EXOC4: variants seen among roughly 807,000 people sequenced by gnomAD.
EXOC4 encodes exocyst complex component 4.
A neutral mutation model predicts 107.2 loss-of-function variants in EXOC4; 71 were observed. The ratio of observed to expected loss-of-function variants is 0.66; its 90% CI spans 0.55 to 0.81. The LOEUF (loss-of-function observed/expected upper bound fraction) is 0.81. Among genes scored for constraint, EXOC4 ranks in the 30% least tolerant of loss-of-function variants. EXOC4 has a pLI of 0.00. For synonymous variants in EXOC4, 456 were observed against 441.2 expected, an observed-to-expected ratio of 1.03 and a Z score of -0.42; for missense variants, 1,108 against 1,189.6, an observed-to-expected ratio of 0.93 and a Z score of 1.01.
Position 133,404,293 on chromosome 7 carries a change from C to T in EXOC4, c.1182+29291C>T, listed in dbSNP as rs547108129. On this transcript the variant is annotated intron_variant, in intron 7 of 17. Transcript: ENST00000253861. ...TTTTTTTTTGTATTTTTAGTAGAGA[C>T]GGGGTTTCACTGTGTTAGCTAGGAT... 2.8e-4 allele frequency among the ~76,000 whole-genome samples: 43 copies of T among 152,006 alleles called. 2 individuals carry two copies. The South Asian group carries it at 4.6e-3, about 16-fold the overall frequency.
At chr7:133,744,776 A>T (rs1262836235) in intron 10 of EXOC4, among the ~76,000 whole-genome samples, 7 of 152,186 alleles carry the variant, frequency 4.6e-5, no homozygotes, top group Non-Finnish European at 4.4e-5. Flanking sequence ...CATTTTTATA[A>T]GACTGTACCG....
chr7:133,941,025 CT>C (rs774809098), intron 14 of EXOC4, among the ~76,000 whole-genome samples: 155 of 143,714 alleles, frequency 1.1e-3, no homozygotes, highest in Admixed American at 1.4e-3. Flanking sequence ...TTCTTTTTTT[CT>C]TTTTTTTTTT....
At chr7:133,636,895 A>G (rs894537881) in intron 10 of EXOC4, among the ~76,000 whole-genome samples, 2 of 152,248 alleles carry the variant, frequency 1.3e-5, no homozygotes, top group Non-Finnish European at 2.9e-5. Context: ...GCTGTGTAAC[A>G]TTCTTAAGAC....
chr7:133,839,995 A>T (rs1231369357), intron 11 of EXOC4, among the ~76,000 whole-genome samples: 1 of 152,232 alleles, frequency 6.6e-6, no homozygotes, highest in Non-Finnish European at 1.5e-5. Flanking sequence ...CTACACATGT[A>T]TATGACACAT....
At chr7:133,954,455 ATTTCT>A (rs1286713041) in intron 14 of EXOC4, among the ~76,000 whole-genome samples, 1 of 152,148 alleles carries the variant, frequency 6.6e-6, no homozygotes, top group Non-Finnish European at 1.5e-5. Flanking sequence ...CTTTTTATTG[ATTTCT>A]TTTCTGGTTA....
chr7:133,471,830 G>C (rs1798886672), intron 7 of EXOC4, among the ~76,000 whole-genome samples: 2 of 152,150 alleles, frequency 1.3e-5, no homozygotes, highest in African/African-American at 4.8e-5. Context: ...GGGGTAGTAA[G>C]ATGTCTTTAT....
At chr7:133,507,952 C>T (rs1010699659) in intron 9 of EXOC4, among the ~76,000 whole-genome samples, 4 of 151,964 alleles carry the variant, frequency 2.6e-5, no homozygotes, top group African/African-American at 7.3e-5. Context: ...TCCAGCTACT[C>T]AGGAGGCCAA....
At chr7:133,359,837 C>T (rs1796100256) in intron 6 of EXOC4, among the ~76,000 whole-genome samples, 1 of 152,188 alleles carries the variant, frequency 6.6e-6, no homozygotes, top group East Asian at 1.9e-4. Context: ...TTTAAAAAAT[C>T]ACTTTGGTGA....
At chr7:134,086,173 C>T in the EXOC4 span, among the ~76,000 whole-genome samples, 895 of 152,194 alleles carry the variant, frequency 5.9e-3, 13 homozygotes, top group African/African-American at 0.021. Flanking sequence ...CAGAATTTGT[C>T]GAGGAAAGTT....
At chr7:133,607,327 A>T (rs1801971827) in intron 9 of EXOC4, among the ~76,000 whole-genome samples, 2 of 152,248 alleles carry the variant, frequency 1.3e-5, no homozygotes, top group South Asian at 4.1e-4. Flanking sequence ...GCAGCCAGTG[A>T]AAGTAAAGGC....
At chr7:133,680,375 A>G (rs890017981) in intron 10 of EXOC4, among the ~76,000 whole-genome samples, 16 of 152,222 alleles carry the variant, frequency 1.1e-4, no homozygotes, top group Non-Finnish European at 2.1e-4. Context: ...AGAATATAAC[A>G]CATTCTACTG....
At chr7:133,732,206 C>G (rs188157171) in intron 10 of EXOC4, among the ~76,000 whole-genome samples, 6 of 152,256 alleles carry the variant, frequency 3.9e-5, no homozygotes, top group Non-Finnish European at 7.4e-5. Flanking sequence ...AAACCAAACA[C>G]CACATTTTCA....
chr7:133,828,831 C>T (rs1199684740), intron 11 of EXOC4, among the ~76,000 whole-genome samples: 2 of 152,160 alleles, frequency 1.3e-5, no homozygotes. Flanking sequence ...TGTGGGGATA[C>T]AGAATAAACT....
At chr7:133,945,394 T>A (rs1800526658) in intron 14 of EXOC4, among the ~76,000 whole-genome samples, 1 of 152,222 alleles carries the variant, frequency 6.6e-6, no homozygotes, top group Non-Finnish European at 1.5e-5. Flanking sequence ...TCTTCTATCC[T>A]CTGGAGCTTG....
intron 10 of EXOC4, among the ~76,000 whole-genome samples, chr7:133,638,814 G>C (rs984622244): frequency 6.6e-6 from 1 of 152,136 alleles, no homozygotes; most frequent in Non-Finnish European, 1.5e-5. Flanking sequence ...CTTTGCTGCT[G>C]TGATTTTGAC....
chr7:133,591,206 AT>A (rs34699571), intron 9 of EXOC4, among the ~76,000 whole-genome samples: 48,478 of 151,836 alleles, frequency 0.32, 7,933 homozygotes, highest in South Asian at 0.45. Context: ...AATTTTTAAA[AT>A]TTTTTTTGGA....
chr7:134,024,466 G>T (rs1795093387), intron 17 of EXOC4, among the ~76,000 whole-genome samples: 1 of 150,594 alleles, frequency 6.6e-6, no homozygotes, highest in Admixed American at 6.6e-5. Context: ...AAAAAAAGAA[G>T]CTAGTATGTT....
chr7:133,359,750 A>G (rs144167612), intron 6 of EXOC4, among the ~76,000 whole-genome samples: 2 of 152,338 alleles, frequency 1.3e-5, no homozygotes, highest in African/African-American at 4.8e-5. Context: ...TTTGCTAGAA[A>G]TGTAGAAGGA....
chr7:133,288,096 T>G (rs946829178), intron 2 of EXOC4, among the ~76,000 whole-genome samples: 1 of 152,178 alleles, frequency 6.6e-6, no homozygotes, highest in Non-Finnish European at 1.5e-5. Flanking sequence ...AAAATACATG[T>G]GAGGACTATC....
Sources: allele counts gnomAD v4.1 joint callset (sites outside exome capture counted in the v4.1 genomes callset), GRCh38; gene constraint gnomAD v4.1.1; transcripts MANE v1.5; gene names NCBI Gene and HGNC (gene_info 2026-07-23, HGNC 2026-07-21).